Variants in TNNI3K observed in about 807,000 individuals in gnomAD.
TNNI3K encodes the protein TNNI3 interacting kinase.
Under a neutral mutation model 114.5 loss-of-function variants are expected in TNNI3K, and 140 were observed. The observed-to-expected ratio is 1.22, with a 90% CI of 1.07 to 1.41. The LOEUF (loss-of-function observed/expected upper bound fraction) is 1.41. Among genes scored for constraint, TNNI3K ranks in the 40% most tolerant of loss-of-function variants. TNNI3K has a pLI of 0.00. For synonymous variants in TNNI3K, 347 were observed against 347.5 expected, an observed-to-expected ratio of 1.00 and a Z score of 0.02; for missense variants, 1,125 against 1,007.6, an observed-to-expected ratio of 1.12 and a Z score of -1.58.
At chr1:74,482,989 T>C (rs1668579799) in intron 21 of TNNI3K, among the ~76,000 whole-genome samples, 1 of 152,072 alleles carries the variant, frequency 6.6e-6, no homozygotes, top group South Asian at 2.1e-4. Context: ...AAGTGATATA[T>C]TTGTTAAGTG....
chr1:74,468,997 T>A (rs1227379268), intron 21 of TNNI3K: 3 of 152,024 alleles, frequency 2.0e-5, no homozygotes, highest in Non-Finnish European at 4.4e-5. Flanking sequence ...TAAGGAGGAG[T>A]TCTCACTCCA....
chr1:74,401,634 A>G (rs1203903489), intron 17 of TNNI3K, among the ~76,000 whole-genome samples: 3 of 152,222 alleles, frequency 2.0e-5, no homozygotes, highest in East Asian at 1.9e-4. Flanking sequence ...ATGTTGCTGG[A>G]GAGGCAATTG....
chr1:74,439,395 G>A, intron 19 of TNNI3K, 95 bp from the exon 20 acceptor site: 1 of 1,528,598 alleles, frequency 6.5e-7, no homozygotes, highest in South Asian at 1.3e-5. Context: ...AGAGCATCGG[G>A]AGAACACAGT....
At chr1:74,457,984 A>G (rs1216230856) in intron 20 of TNNI3K, among the ~76,000 whole-genome samples, 1 of 152,192 alleles carries the variant, frequency 6.6e-6, no homozygotes, top group African/African-American at 2.4e-5. Context: ...TGGTGTTCTA[A>G]ACAAAACAGA....
At chr1:74,393,185 C>A (rs1023363646) in intron 17 of TNNI3K, among the ~76,000 whole-genome samples, 1 of 151,842 alleles carries the variant, frequency 6.6e-6, no homozygotes, top group Non-Finnish European at 1.5e-5. Flanking sequence ...CAATTTTATT[C>A]TATATGCTAT....
chr1:74,518,627 C>G (rs983788977), intron 23 of TNNI3K, among the ~76,000 whole-genome samples: 2 of 152,166 alleles, frequency 1.3e-5, no homozygotes, highest in Non-Finnish European at 2.9e-5. Flanking sequence ...GGGGAGCACA[C>G]TGTCAGTGCA....
chr1:74,243,869 G>A (rs1354195049), intron 2 of TNNI3K, among the ~76,000 whole-genome samples: 2 of 152,048 alleles, frequency 1.3e-5, no homozygotes, highest in African/African-American at 4.8e-5. Flanking sequence ...GATATGTTAA[G>A]TTACAGTGTG....
chr1:74,349,903 T>A (rs1661240869), intron 9 of TNNI3K, among the ~76,000 whole-genome samples: 1 of 152,192 alleles, frequency 6.6e-6, no homozygotes, highest in Non-Finnish European at 1.5e-5. Flanking sequence ...TCAATTTTGT[T>A]GATCTTTTCA....
At chr1:74,441,924 T>G (rs1666390515) in intron 20 of TNNI3K, among the ~76,000 whole-genome samples, 1 of 152,122 alleles carries the variant, frequency 6.6e-6, no homozygotes, top group Admixed American at 6.6e-5. Flanking sequence ...CTTTTTGTAT[T>G]CTCAGCAATG....
chr1:74,308,868 A>G (rs187591815), intron 5 of TNNI3K, among the ~76,000 whole-genome samples: 268 of 152,304 alleles, frequency 1.8e-3, no homozygotes, highest in African/African-American at 5.9e-3. Context: ...GGACCACTAT[A>G]AATATCTCTG....
intron 5 of TNNI3K, among the ~76,000 whole-genome samples, chr1:74,298,667 G>A (rs999798228): frequency 6.6e-6 from 1 of 152,016 alleles, no homozygotes; most frequent in South Asian, 2.1e-4. Context: ...AAGTTTGGAC[G>A]ATGAAAACTG....
chr1:74,509,509 C>G (rs1670069919), intron 23 of TNNI3K, among the ~76,000 whole-genome samples: 1 of 152,044 alleles, frequency 6.6e-6, no homozygotes, highest in African/African-American at 2.4e-5. Flanking sequence ...TAAAAATTGT[C>G]CTTTATTGTT....
rs1656531810 is a variant in TNNI3K at position 74,274,238 on chromosome 1, G to A, written c.444+2530G>A. Among the ~76,000 whole-genome samples the A allele has an allele frequency of 2.6e-5, 4 of 152,002 alleles. No homozygotes were observed. In the South Asian group the frequency reaches 6.2e-4, roughly 24 times the overall value. On this transcript the variant is annotated intron_variant, in intron 5 of 24. Coordinates refer to ENST00000326637, the MANE Select transcript of TNNI3K (RefSeq NM_015978.3). ...TATTTACTATTTATTAAGTGGAAGT[G>A]GATAATCATAAAGGTCTTCATCACC...
intron 17 of TNNI3K, among the ~76,000 whole-genome samples, chr1:74,427,409 C>G (rs984585812): frequency 2.7e-5 from 4 of 150,528 alleles, no homozygotes; most frequent in African/African-American, 9.8e-5. Context: ...TCTTTATTCT[C>G]TAAGGTTTTG....
intron 17 of TNNI3K, among the ~76,000 whole-genome samples, chr1:74,427,609 T>C (rs1489626668): frequency 6.6e-6 from 1 of 152,026 alleles, no homozygotes; most frequent in Non-Finnish European, 1.5e-5. Context: ...TTTCTCAATT[T>C]TAAATTTAAA....
intron 17 of TNNI3K, among the ~76,000 whole-genome samples, chr1:74,405,913 G>A (rs966364662): frequency 3.3e-5 from 5 of 152,142 alleles, no homozygotes; most frequent in Admixed American, 2.0e-4. Flanking sequence ...TTATATTCAC[G>A]TATTAGGTTT....
chr1:74,332,544 C>G (rs1391464386), intron 6 of TNNI3K, among the ~76,000 whole-genome samples: 2 of 152,216 alleles, frequency 1.3e-5, no homozygotes, highest in East Asian at 3.9e-4. Context: ...TCGTGATCCT[C>G]CTGCCTCGGC....
intron 20 of TNNI3K, among the ~76,000 whole-genome samples, chr1:74,448,383 T>C (rs1666808647): frequency 6.8e-6 from 1 of 148,054 alleles, no homozygotes; most frequent in Non-Finnish European, 1.5e-5. Context: ...TGGGGTTTTC[T>C]AGATATACAA....
At chr1:74,456,674 G>T (rs1667238616) in intron 20 of TNNI3K, among the ~76,000 whole-genome samples, 1 of 152,118 alleles carries the variant, frequency 6.6e-6, no homozygotes, top group South Asian at 2.1e-4. Flanking sequence ...TTGTTTTCCT[G>T]TGTGACGCCA....
Sources: allele counts gnomAD v4.1 joint callset (sites outside exome capture counted in the v4.1 genomes callset), GRCh38; gene constraint gnomAD v4.1.1; transcripts MANE v1.5; gene names NCBI Gene and HGNC (gene_info 2026-07-23, HGNC 2026-07-21).